Variants in EYS observed in about 807,000 individuals in gnomAD.
EYS encodes the protein EGF-like photoreceptor maintenance factor.
Under a neutral mutation model 282.1 loss-of-function variants are expected in EYS, and 250 were observed. That is an observed-to-expected ratio of 0.89 (90% CI 0.80 to 0.98). The LOEUF (loss-of-function observed/expected upper bound fraction) is 0.98, where lower values mean the gene tolerates loss of function less well. Among genes scored for constraint, EYS ranks in the 50% least tolerant of loss-of-function variants. The pLI is 0.00. For synonymous variants in EYS, 1,355 were observed against 1,282.9 expected (o/e 1.06, Z -1.20); for missense variants, 4,016 against 3,709.0 (o/e 1.08, Z -2.15).
chr6:64,894,549 T>C (rs540276365), intron 18 of EYS, among the ~76,000 whole-genome samples: 2 of 152,280 alleles, frequency 1.3e-5, no homozygotes, highest in African/African-American at 4.8e-5. Context: ...TTTGTAGGGA[T>C]TCTCTGCCTC....
At chr6:64,025,945 C>T (rs777870880) in intron 33 of EYS, among the ~76,000 whole-genome samples, 12 of 152,164 alleles carry the variant, frequency 7.9e-5, no homozygotes, top group South Asian at 2.1e-4. Context: ...CCAATAAATC[C>T]GATTTTTCTT....
chr6:64,372,571 T>G (rs1772420478), intron 29 of EYS, among the ~76,000 whole-genome samples: 1 of 152,158 alleles, frequency 6.6e-6, no homozygotes. Flanking sequence ...CTCTGCATTT[T>G]GATTTGAATG....
At chr6:64,075,104 A>G (rs560518388) in intron 32 of EYS, among the ~76,000 whole-genome samples, 3 of 152,060 alleles carry the variant, frequency 2.0e-5, no homozygotes, top group East Asian at 1.9e-4. Context: ...TGGAACACAG[A>G]TGTTTCTTCT....
At chr6:64,660,281 T>C (rs1768950757) in intron 22 of EYS, among the ~76,000 whole-genome samples, 1 of 151,894 alleles carries the variant, frequency 6.6e-6, no homozygotes, top group Non-Finnish European at 1.5e-5. Context: ...GCCAATATCA[T>C]ACTGAATGGG....
intron 1 of EYS, among the ~76,000 whole-genome samples, chr6:65,674,800 T>G (rs2149834690): frequency 1.3e-5 from 2 of 152,064 alleles, no homozygotes; most frequent in South Asian, 4.1e-4. Context: ...AGTATACAGC[T>G]TGGTAGCAAA....
At chr6:64,146,654 T>C (rs758807738) in intron 31 of EYS, among the ~76,000 whole-genome samples, 3 of 152,074 alleles carry the variant, frequency 2.0e-5, no homozygotes, top group African/African-American at 7.2e-5. Flanking sequence ...GTCTAAATAA[T>C]AGAAGGCTGG....
chr6:65,091,470 A>C (rs1376178664), intron 12 of EYS, among the ~76,000 whole-genome samples: 3 of 151,284 alleles, frequency 2.0e-5, no homozygotes, highest in Non-Finnish European at 4.4e-5. Context: ...TAAATAAATA[A>C]ATAAATAAAT....
intron 33 of EYS, among the ~76,000 whole-genome samples, chr6:64,042,852 A>G (rs1770452210): frequency 6.6e-6 from 1 of 152,082 alleles, no homozygotes; most frequent in Non-Finnish European, 1.5e-5. Context: ...CGCATCCACC[A>G]TCTTTAAGGA....
chr6:64,287,124 T>C (rs1448294912), intron 30 of EYS, among the ~76,000 whole-genome samples: 2 of 152,286 alleles, frequency 1.3e-5, no homozygotes, highest in East Asian at 3.9e-4. Flanking sequence ...GTTAAAACTA[T>C]GTACATGAAA....
At chr6:64,350,306 T>A (rs1163169742) in intron 29 of EYS, among the ~76,000 whole-genome samples, 1 of 149,542 alleles carries the variant, frequency 6.7e-6, no homozygotes, top group Admixed American at 6.8e-5. Context: ...ACTTTAAGAA[T>A]GATAGTAACT....
At chr6:64,857,771 TTC>T (rs1048322048) in intron 19 of EYS, among the ~76,000 whole-genome samples, 23 of 152,308 alleles carry the variant, frequency 1.5e-4, no homozygotes, top group Non-Finnish European at 7.4e-5. Flanking sequence ...CCAACATTGG[TTC>T]TCTTTCTTTT....
rs1291352198 is a variant in EYS, at chr6:63,788,130, T to C, written c.7698A>G (p.Gly2566=). Residue 2566 remains glycine, a synonymous_variant, in exon 39 of 43, where the codon GGA becomes GGG. Coordinates refer to ENST00000503581, the MANE Select transcript of EYS (RefSeq NM_001142800.2). ...SEYTPDLLPN[G]ADFKNGFQGC... ...CTTGAAAACCATTTTTAAAATCTGCTCCATTTGGTAAGAGATCTGGAGTGT... is the reference window on the plus strand; with the variant it reads ...CTTGAAAACCATTTTTAAAATCTGCCCCATTTGGTAAGAGATCTGGAGTGT... The C allele has an allele frequency of 2.6e-6, 4 of 1,543,222 alleles. No homozygotes were observed. In the African/African-American group the frequency reaches 4.1e-5, roughly 16 times the overall value.
intron 26 of EYS, among the ~76,000 whole-genome samples, chr6:64,481,370 G>A (rs1379722206): frequency 6.7e-6 from 1 of 149,774 alleles, no homozygotes; most frequent in Non-Finnish European, 1.5e-5. Context: ...ATCTCTGGGT[G>A]TATCCAAGGT....
intron 35 of EYS, among the ~76,000 whole-genome samples, chr6:63,966,488 C>T (rs1766315486): frequency 6.6e-6 from 1 of 152,114 alleles, no homozygotes; most frequent in African/African-American, 2.4e-5. Flanking sequence ...CAAATACCAC[C>T]TGTACCCTAA....
intron 22 of EYS, among the ~76,000 whole-genome samples, chr6:64,752,790 T>G (rs948706044): frequency 6.6e-6 from 1 of 152,072 alleles, no homozygotes; most frequent in African/African-American, 2.4e-5. Context: ...GGACATCTCA[T>G]CAGATGAAGT....
intron 5 of EYS, among the ~76,000 whole-genome samples, chr6:65,441,084 T>G (rs1768306584): frequency 6.6e-6 from 1 of 150,796 alleles, no homozygotes; most frequent in African/African-American, 2.4e-5. Context: ...CATTAATGAC[T>G]TGATTTGTCA....
chr6:63,943,020 T>C (rs185035945), intron 35 of EYS, among the ~76,000 whole-genome samples: 7 of 152,340 alleles, frequency 4.6e-5, no homozygotes, highest in African/African-American at 1.4e-4. Context: ...ATATAACATA[T>C]CAAATATGTG....
chr6:64,664,077 G>A (rs9345360), intron 22 of EYS, among the ~76,000 whole-genome samples: 1 of 152,026 alleles, frequency 6.6e-6, no homozygotes, highest in African/African-American at 2.4e-5. Flanking sequence ...TGCAACGCAG[G>A]GATCAGTAGT....
chr6:64,995,440 C>T (rs1018013345), intron 14 of EYS, among the ~76,000 whole-genome samples: 3 of 151,974 alleles, frequency 2.0e-5, no homozygotes, highest in Non-Finnish European at 4.4e-5. Flanking sequence ...TCTTCTTATA[C>T]ATTATCAAAC....
Sources: gnomAD v4.1 joint callset for allele counts (sites outside exome capture counted in the v4.1 genomes callset) on GRCh38, gnomAD v4.1.1 for gene constraint, MANE v1.5 for transcripts, NCBI Gene and HGNC (gene_info 2026-07-23, HGNC 2026-07-21) for gene names.